Variants in TBX6 observed in about 807,000 individuals in gnomAD.
The protein encoded by TBX6 is T-box transcription factor TBX6.
TBX6 carries 29 observed loss-of-function variants against 42.3 expected under a neutral mutation model. The observed-to-expected ratio is 0.69, with a 90% CI of 0.51 to 0.93. The LOEUF (loss-of-function observed/expected upper bound fraction) is 0.93, where lower values mean the gene tolerates loss of function less well. Among genes scored for constraint, TBX6 ranks in the 40% least tolerant of loss-of-function variants. The probability of loss-of-function intolerance (pLI) is 0.00; values close to 1 mark genes in which losing one functional copy is unlikely to be tolerated. For synonymous variants in TBX6, 249 were observed against 245.1 expected, an observed-to-expected ratio of 1.02 and a Z score of -0.15; for missense variants, 569 against 603.3, an observed-to-expected ratio of 0.94 and a Z score of 0.59.
Position 30,088,333 on chromosome 16 carries a change from G to A in TBX6, c.839+212C>T. On this transcript the variant is annotated intron_variant, in intron 6 of 8. Transcript: ENST00000395224. The surrounding 1 kb of genome is among the most constrained non-coding windows in gnomAD (Gnocchi z 4.1). ...CCCCACTAGAAATCAGCTGCATGAG[G>A]GCCGGGGCTTTGGTTTGCTTTGTTT... The A allele has an allele frequency of 3.1e-6, 2 of 649,794 alleles. No homozygotes were observed. The highest frequency in any genetic ancestry group is 2.5e-5 in the Admixed American group (1 of 39,644). The allele number at this position is 649,794 out of a possible 1,614,324, so 40.3% of individuals were successfully genotyped here.
Position 30,086,522 on chromosome 16 carries a change from G to T in TBX6, c.1087C>A (p.Leu363Ile), listed in dbSNP as rs1477989884. The T allele has an allele frequency of 2.7e-6, 4 of 1,509,020 alleles. No individual in the cohort carries two copies. The highest frequency in any genetic ancestry group is 3.5e-6 in the Non-Finnish European group (4 of 1,132,042). The allele number at this position is 1,509,020 out of a possible 1,614,324, so 93.5% of individuals were successfully genotyped here. A position where few individuals can be genotyped will look rare whatever the true frequency, so the allele number is the denominator to read the frequency against. ...PAAFHGAPSH[L>I]PTRSPSFPEA... ...CCCTGTCCCACTCACCTGGTGGGAA[G>T]GTGACTGGGGGCCCCATGGAAAGCC... The change falls in exon 8 of 9, where the codon CTT (leucine) becomes ATT (isoleucine). Residue 363 changes from leucine to isoleucine, a missense_variant. By Grantham distance (5) the Leu-to-Ile change is conservative. Coordinates refer to ENST00000395224, the MANE Select transcript of TBX6 (RefSeq NM_004608.4). The surrounding 1 kb of genome is among the most constrained non-coding windows in gnomAD (Gnocchi z 4.6).
chr16:30,086,132 G>A lies in TBX6; in HGVS notation c.*93C>T. The A allele has an allele frequency of 7.1e-7, 1 of 1,409,246 alleles. No individual in the cohort carries two copies. Among genetic ancestry groups the A allele is most frequent in the Non-Finnish European group, 9.7e-7 (1 of 1,028,422 alleles). 87.3% of individuals were successfully genotyped at this position (1,409,246 alleles called of 1,614,324 possible). A position where few individuals can be genotyped will look rare whatever the true frequency, so the allele number is the denominator to read the frequency against. ...GGCAGGCCCAAGGCGGCCATTTGGT[G>A]TGGGGGATGGGGCCGGTGGAGGTGA... On this transcript the variant is annotated 3_prime_UTR_variant, in exon 9 of 9. Transcript: ENST00000395224. The surrounding 1 kb of genome is among the most constrained non-coding windows in gnomAD (Gnocchi z 4.6).
At position 30,086,839 on chromosome 16, in the gene TBX6, G is replaced by T; in HGVS notation, c.852C>A (p.Ala284=). The part of the protein sequence containing the change: ...NGRNCKRERD[A]RVKRKLRGPE... ...GGCCCCGCAGTTTCCTCTTCACACG[G>T]GCGTCTCGCTCCCTGGGGAACAGTG... is the stretch of plus-strand genomic sequence containing the variant. The change falls in exon 7 of 9, where the codon GCC becomes GCA. Residue 284 remains alanine (A), a synonymous_variant. Transcript: ENST00000395224. The surrounding 1 kb of genome is among the most constrained non-coding windows in gnomAD (Gnocchi z 4.6). 6.2e-7 allele frequency: 1 copy of T among 1,612,522 alleles called. No homozygotes were observed. Among genetic ancestry groups the T allele is most frequent in the African/African-American group, 1.3e-5 (1 of 74,910 alleles).
intron 3 of TBX6, 49 bp downstream of exon 3, chr16:30,090,709 T>C (rs951034408): frequency 1.9e-6 from 3 of 1,574,182 alleles, no homozygotes; most frequent in South Asian, 2.3e-5. Context: ...GGACTCTGCC[T>C]TTCCCAAGAG....
chr16:30,088,646 T>G lies in TBX6; in HGVS notation c.769-31A>C. 6.2e-7 allele frequency: 1 copy of G among 1,614,142 alleles called. No homozygotes were observed. Among genetic ancestry groups the G allele is most frequent in the Non-Finnish European group, 8.5e-7 (1 of 1,180,018 alleles). On this transcript the variant is annotated intron_variant, in intron 5 of 8. Transcript: ENST00000395224. This position sits in a 1 kb window ranked among gnomAD's most constrained non-coding sequence, Gnocchi z 4.1. Reference sequence around the variant, plus strand: ...GACACACATGCAGGGTCAAAGCAACTGCGGTCTGGGCAGGGGGCCACCACC... The same window carrying G: ...GACACACATGCAGGGTCAAAGCAACGGCGGTCTGGGCAGGGGGCCACCACC...
chr16:30,086,722 G>A lies in TBX6; in HGVS notation c.914-27C>T, dbSNP rs1478859818. On this transcript the variant is annotated intron_variant, in intron 7 of 8. Transcript: ENST00000395224. The surrounding 1 kb of genome is among the most constrained non-coding windows in gnomAD (Gnocchi z 4.6). Reference sequence around the variant, plus strand: ...TGGGGAGAGGGAAGGGAGAGGTTGGGCTAGGGAGGATCCCTGTCTCAGGCC... The same window carrying A: ...TGGGGAGAGGGAAGGGAGAGGTTGGACTAGGGAGGATCCCTGTCTCAGGCC... 1 of 1,613,200 alleles carries A rather than the reference G, an allele frequency of 6.2e-7. No individual in the cohort carries two copies. The highest frequency in any genetic ancestry group is 8.5e-7 in the Non-Finnish European group (1 of 1,179,560).
rs1284253303 is a variant in TBX6 at position 30,086,121 on chromosome 16, G to A, written c.*104C>T. ...GGGGGTGGGTGGGCAGGCCCAAGGCGGCCATTTGGTGTGGGGGATGGGGCC... is the reference window on the plus strand; with the variant it reads ...GGGGGTGGGTGGGCAGGCCCAAGGCAGCCATTTGGTGTGGGGGATGGGGCC... On this transcript the variant is annotated 3_prime_UTR_variant, in exon 9 of 9. Coordinates refer to ENST00000395224, the MANE Select transcript of TBX6 (RefSeq NM_004608.4). The surrounding 1 kb of genome is among the most constrained non-coding windows in gnomAD (Gnocchi z 4.6). 1.6e-5 allele frequency: 20 copies of A among 1,261,444 alleles called. No individual in the cohort carries two copies. The highest frequency in any genetic ancestry group is 4.1e-5 in the South Asian group (3 of 73,198). 78.1% of individuals were successfully genotyped at this position (1,261,444 alleles called of 1,614,324 possible). A position where few individuals can be genotyped will look rare whatever the true frequency, so the allele number is the denominator to read the frequency against.
rs2072680943 is a variant in TBX6, at chr16:30,088,957, C to T, written c.607G>A (p.Asp203Asn). ...CTGGGCCTCACGTGGCCGTGGGGGT[C>T]CAGCGTGCTGTTGGTGAGCTTGACA... Reference protein sequence around the residue: ...HRVKLTNSTLDPHGHLILHSM... With the variant: ...HRVKLTNSTLNPHGHLILHSM... The change falls in exon 4 of 9, where the codon GAC becomes AAC. Residue 203 changes from aspartate (D) to asparagine (N), a missense_variant. Physicochemically the swap from Asp to Asn is conservative, Grantham distance 23. This residue lies in a region of TBX6 where 190 missense variants were observed against 250.6 expected (regional missense o/e 0.76). Coordinates refer to ENST00000395224, the MANE Select transcript of TBX6 (RefSeq NM_004608.4). This position sits in a 1 kb window ranked among gnomAD's most constrained non-coding sequence, Gnocchi z 4.1. The T allele has an allele frequency of 6.2e-7, 1 of 1,609,014 alleles. No individual in the cohort carries two copies.
Position 30,086,706 on chromosome 16 carries a change from G to A in TBX6, c.914-11C>T. On this transcript the variant is annotated splice_polypyrimidine_tract_variant and intron_variant, in intron 7 of 8. Coordinates refer to ENST00000395224, the MANE Select transcript of TBX6 (RefSeq NM_004608.4). The surrounding 1 kb of genome is among the most constrained non-coding windows in gnomAD (Gnocchi z 4.6). ...GACCACCTGGTGTGTCTGGGGAGAG[G>A]GAAGGGAGAGGTTGGGCTAGGGAGG... 1 of 1,612,798 alleles carries A rather than the reference G, an allele frequency of 6.2e-7. No homozygotes were observed. Among genetic ancestry groups the A allele is most frequent in the South Asian group, 1.1e-5 (1 of 90,974 alleles).
At chr16:30,089,536 G>A (rs908646613) in intron 3 of TBX6, among the ~76,000 whole-genome samples, 1 of 152,144 alleles carries the variant, frequency 6.6e-6, no homozygotes, top group Non-Finnish European at 1.5e-5. Context: ...TACAGAGGCT[G>A]AGGCGGGAGG....
chr16:30,087,218 TTTTTC>T (rs2072650254), intron 6 of TBX6, among the ~76,000 whole-genome samples: 1 of 152,018 alleles, frequency 6.6e-6, no homozygotes, highest in South Asian at 2.1e-4. Flanking sequence ...GAACCTGTCC[TTTTTC>T]TTTTCATTTT....
chr16:30,089,463 A>G (rs1457552993), intron 3 of TBX6, among the ~76,000 whole-genome samples: 1 of 151,974 alleles, frequency 6.6e-6, no homozygotes, highest in Non-Finnish European at 1.5e-5. Flanking sequence ...GAAAGACCCC[A>G]TCTCTACAAA....
At position 30,086,351 on chromosome 16, in the gene TBX6, G is replaced by GC; in HGVS notation, c.1184dup (p.Ser396LeufsTer91). 6.2e-7 allele frequency: 1 copy of GC among 1,601,194 alleles called. No individual in the cohort carries two copies. Among genetic ancestry groups the GC allele is most frequent in the Non-Finnish European group, 8.5e-7 (1 of 1,176,178 alleles). On this transcript the variant is annotated frameshift_variant, in exon 9 of 9. Transcript: ENST00000395224. LOFTEE classifies it high-confidence loss of function. This position sits in a 1 kb window ranked among gnomAD's most constrained non-coding sequence, Gnocchi z 4.6. ...CCGGTGGAGCCGCTGGGTACCCGGAGCCCCCTGACCCGTGCGGCAGCTCCA... is the reference window on the plus strand; with the variant it reads ...CCGGTGGAGCCGCTGGGTACCCGGAGCCCCCCTGACCCGTGCGGCAGCTCCA...
chr16:30,089,263 G>T, intron 3 of TBX6, 53 bp from the exon 4 acceptor site: 1 of 1,575,758 alleles, frequency 6.3e-7, no homozygotes, highest in South Asian at 1.1e-5. Flanking sequence ...GGCCAGGGGT[G>T]GGCCCAGCAC....
chr16:30,085,908 A>C lies in TBX6; in HGVS notation c.*317T>G. ...GGGGGGGTGGGGATTGAGCCCCTCC[A>C]GAGCCCATGGGGAGGCCTGGTAAGT... On this transcript the variant is annotated 3_prime_UTR_variant, in exon 9 of 9. Transcript: ENST00000395224. 2.7e-6 allele frequency: 1 copy of C among 375,816 alleles called. No individual in the cohort carries two copies. The highest frequency in any genetic ancestry group is 4.8e-6 in the Non-Finnish European group (1 of 206,770). The allele number at this position is 375,816 out of a possible 1,614,324, so 23.3% of individuals were successfully genotyped here. A position where few individuals can be genotyped will look rare whatever the true frequency, so the allele number is the denominator to read the frequency against.
Position 30,086,373 on chromosome 16 carries a change from T to G in TBX6, c.1163A>C (p.Glu388Ala). ...RSAPYSAAFL[E>A]LPHGSGGSGY... Reference sequence around the variant, plus strand: ...GGAGCCCCCTGACCCGTGCGGCAGCTCCAGAAATGCAGCCGAGTAGGGGGC... The same window carrying G: ...GGAGCCCCCTGACCCGTGCGGCAGCGCCAGAAATGCAGCCGAGTAGGGGGC... The change falls in exon 9 of 9, where the codon GAG becomes GCG. Residue 388 changes from glutamate to alanine, a missense_variant. Physicochemically the swap from Glu to Ala is moderately radical, Grantham distance 107. Transcript: ENST00000395224. This position sits in a 1 kb window ranked among gnomAD's most constrained non-coding sequence, Gnocchi z 4.6. 4 of 1,576,418 alleles carry G rather than the reference T, an allele frequency of 2.5e-6. No individual in the cohort carries two copies. Among genetic ancestry groups the G allele is most frequent in the Non-Finnish European group, 3.4e-6 (4 of 1,169,118 alleles).
chr16:30,088,894 C>T lies in TBX6; in HGVS notation c.621+49G>A. 1 of 1,603,514 alleles carries T rather than the reference C, an allele frequency of 6.2e-7. No homozygotes were observed. Among genetic ancestry groups the T allele is most frequent in the Non-Finnish European group, 8.5e-7 (1 of 1,172,258 alleles). On this transcript the variant is annotated intron_variant, in intron 4 of 8. Coordinates refer to ENST00000395224, the MANE Select transcript of TBX6 (RefSeq NM_004608.4). The surrounding 1 kb of genome is among the most constrained non-coding windows in gnomAD (Gnocchi z 4.1). ...TGCCCTGCGCCTCACCCTTGGCCTC[C>T]CTTCCAGCACCCCCCAACCCTATCC...
intron 3 of TBX6, among the ~76,000 whole-genome samples, 195 bp downstream of exon 3, chr16:30,090,563 T>C (rs1383898949): frequency 2.6e-5 from 4 of 152,136 alleles, no homozygotes; most frequent in African/African-American, 9.7e-5. Context: ...CTCCACAGAC[T>C]GGCCCTTAAC....
rs2072716139 is a variant in TBX6 at position 30,091,078 on chromosome 16, G to T, written c.116C>A (p.Pro39His). ...PPALAEGYRY[P>H]ELDTPKLDCF... Reference sequence around the variant, plus strand: ...CAGGAGCTGGTCCCAACGCTCACCGGGGTAGCGGTAGCCCTCCGCTAGGGC... The same window carrying T: ...CAGGAGCTGGTCCCAACGCTCACCGTGGTAGCGGTAGCCCTCCGCTAGGGC... Residue 39 changes from proline (P) to histidine (H), a missense_variant and splice_region_variant, in exon 2 of 9, where the codon CCC becomes CAC. Pro to His is a moderately conservative substitution (Grantham distance 77). Transcript: ENST00000395224. The T allele has an allele frequency of 1.9e-6, 3 of 1,584,628 alleles. No individual in the cohort carries two copies. The highest frequency in any genetic ancestry group is 2.6e-6 in the Non-Finnish European group (3 of 1,165,690).
Sources: allele counts gnomAD v4.1 joint callset (sites outside exome capture counted in the v4.1 genomes callset), GRCh38; gene constraint gnomAD v4.1.1; regional missense constraint gnomAD v4.1.1; non-coding constraint Gnocchi (gnomAD v3.1); transcripts MANE v1.5; gene names NCBI Gene and HGNC (gene_info 2026-07-23, HGNC 2026-07-21).